ADAMTS3: variants seen among roughly 807,000 people sequenced by gnomAD.
ADAMTS3 encodes the protein ADAM metallopeptidase with thrombospondin type 1 motif 3, also known as A disintegrin and metalloproteinase with thrombospondin motifs 3.
ADAMTS3 carries 73 observed loss-of-function variants against 129.0 expected under a neutral mutation model. The observed-to-expected ratio is 0.57, with a 90% CI of 0.47 to 0.69. The LOEUF is 0.69. ADAMTS3 is among the 30% of genes least tolerant of loss of function. The pLI is 0.00. For synonymous variants in ADAMTS3, 477 were observed against 510.8 expected, an observed-to-expected ratio of 0.93 and a Z score of 0.89; for missense variants, 1,457 against 1,514.5, an observed-to-expected ratio of 0.96 and a Z score of 0.63.
At chr4:72,531,891 C>T (rs1203645859) in intron 3 of ADAMTS3, among the ~76,000 whole-genome samples, 2 of 152,040 alleles carry the variant, frequency 1.3e-5, no homozygotes, top group African/African-American at 4.8e-5. Context: ...GGGGAGATGG[C>T]ACTCATGTGT....
intron 10 of ADAMTS3, among the ~76,000 whole-genome samples, chr4:72,317,560 C>T (rs1187724809): frequency 6.6e-6 from 1 of 151,368 alleles, no homozygotes; most frequent in Non-Finnish European, 1.5e-5. Context: ...GCAAGACTGG[C>T]TTTAATGGAT....
intron 3 of ADAMTS3, among the ~76,000 whole-genome samples, chr4:72,433,655 A>G (rs976388978): frequency 2.4e-4 from 36 of 152,044 alleles, no homozygotes; most frequent in African/African-American, 7.5e-4. Flanking sequence ...GTATGGTTCT[A>G]TAACAAATAC....
At chr4:72,397,071 A>C (rs1578643548) in intron 4 of ADAMTS3, among the ~76,000 whole-genome samples, 1 of 151,542 alleles carries the variant, frequency 6.6e-6, no homozygotes, top group Non-Finnish European at 1.5e-5. Context: ...AGGGAAAAAC[A>C]CTCCAAGCTC....
chr4:72,476,442 C>T (rs1186133583), intron 3 of ADAMTS3, among the ~76,000 whole-genome samples: 1 of 152,022 alleles, frequency 6.6e-6, no homozygotes, highest in African/African-American at 2.4e-5. Flanking sequence ...TTTAAACATC[C>T]TTGTAACCAA....
chr4:72,365,370 ACAT>A (rs780607410), intron 4 of ADAMTS3, among the ~76,000 whole-genome samples: 48 of 152,206 alleles, frequency 3.2e-4, no homozygotes, highest in Admixed American at 3.9e-4. Context: ...GCACACTTCC[ACAT>A]CATGACACCC....
chr4:72,540,395 T>C (rs149501212), intron 3 of ADAMTS3, among the ~76,000 whole-genome samples: 1,564 of 152,306 alleles, frequency 0.01, 16 homozygotes, highest in South Asian at 0.032. Flanking sequence ...TTCAGTTTTA[T>C]AAGGTAAGCA....
At chr4:72,391,670 C>T (rs569612497) in intron 4 of ADAMTS3, among the ~76,000 whole-genome samples, 9 of 152,162 alleles carry the variant, frequency 5.9e-5, no homozygotes, top group African/African-American at 9.6e-5. Context: ...ATGGCAACTA[C>T]GCATCATTTA....
At chr4:72,312,618 A>C in intron 12 of ADAMTS3, 152 bp from the exon 13 acceptor site, 1 of 644,526 alleles carries the variant, frequency 1.6e-6, no homozygotes, top group East Asian at 2.8e-5. Context: ...TCCCTTTCCA[A>C]AGCACCCTTC....
intron 3 of ADAMTS3, among the ~76,000 whole-genome samples, chr4:72,520,993 C>T (rs955141831): frequency 6.6e-6 from 1 of 151,748 alleles, no homozygotes; most frequent in East Asian, 1.9e-4. Context: ...GGCTCCTCCC[C>T]ACTTTTTTTC....
At chr4:72,303,629 G>A (rs1022710629) in intron 17 of ADAMTS3, among the ~76,000 whole-genome samples, 1 of 151,854 alleles carries the variant, frequency 6.6e-6, no homozygotes, top group African/African-American at 2.4e-5. Flanking sequence ...TGGTAAATAT[G>A]TGGGTAAATA....
At chr4:72,495,352 T>A (rs1158019679) in intron 3 of ADAMTS3, among the ~76,000 whole-genome samples, 5 of 152,032 alleles carry the variant, frequency 3.3e-5, no homozygotes, top group African/African-American at 1.2e-4. Context: ...CAGCAGCAAA[T>A]CAGCAGGATG....
At chr4:72,323,202 G>C in intron 5 of ADAMTS3, 105 bp from the exon 6 acceptor site, 1 of 836,732 alleles carries the variant, frequency 1.2e-6, no homozygotes, top group Non-Finnish European at 2.0e-6. Context: ...GTAAATTGCT[G>C]TTTTTAAATT....
At chr4:72,452,719 G>A (rs950044614) in intron 3 of ADAMTS3, among the ~76,000 whole-genome samples, 26 of 151,724 alleles carry the variant, frequency 1.7e-4, no homozygotes, top group African/African-American at 4.3e-4. Flanking sequence ...TGGCTGGTCT[G>A]AACCACACAG....
chr4:72,309,343 A>T, intron 15 of ADAMTS3, 54 bp downstream of exon 15: 1 of 1,584,828 alleles, frequency 6.3e-7, no homozygotes, highest in Non-Finnish European at 8.6e-7. Context: ...AAGAAGCCTC[A>T]AAAAGTACAA....
chr4:72,547,137 T>C (rs372527949), intron 3 of ADAMTS3, among the ~76,000 whole-genome samples: 18 of 152,156 alleles, frequency 1.2e-4, no homozygotes, highest in Non-Finnish European at 1.6e-4. Flanking sequence ...AGCATTTTTC[T>C]AGATTGGATG....
rs1255985996 is a variant in ADAMTS3 at position 72,312,572 on chromosome 4, G to C, written c.1746-106C>G. On this transcript the variant is annotated intron_variant, in intron 12 of 21. Transcript: ENST00000286657. ...CAAAGCCAAAGTTTCTGGGCTGCCA[G>C]CACAAAGTGAATGAACTCATACTTC... 4 of 1,060,096 alleles carry C rather than the reference G, an allele frequency of 3.8e-6. No individual in the cohort carries two copies. In the Admixed American group the frequency reaches 7.5e-5, roughly 20 times the overall value. 65.7% of individuals were successfully genotyped at this position (1,060,096 alleles called of 1,614,324 possible). A position where few individuals can be genotyped will look rare whatever the true frequency, so the allele number is the denominator to read the frequency against.
chr4:72,500,856 T>G (rs1310344656), intron 3 of ADAMTS3, among the ~76,000 whole-genome samples: 1 of 152,106 alleles, frequency 6.6e-6, no homozygotes, highest in Non-Finnish European at 1.5e-5. Flanking sequence ...CCAGCACCAT[T>G]TATTAAATAG....
intron 3 of ADAMTS3, among the ~76,000 whole-genome samples, chr4:72,541,131 G>A (rs1331487823): frequency 6.6e-6 from 1 of 152,188 alleles, no homozygotes; most frequent in Non-Finnish European, 1.5e-5. Flanking sequence ...CAGAGCCACA[G>A]GGGATGGAGC....
chr4:72,346,147 A>G (rs1228956486), intron 4 of ADAMTS3, among the ~76,000 whole-genome samples: 1 of 152,172 alleles, frequency 6.6e-6, no homozygotes, highest in Admixed American at 6.6e-5. Flanking sequence ...CATCAAAGCC[A>G]TGTCCAACAG....
Sources: allele counts gnomAD v4.1 joint callset (sites outside exome capture counted in the v4.1 genomes callset), GRCh38; gene constraint gnomAD v4.1.1; transcripts MANE v1.5; gene names NCBI Gene and HGNC (gene_info 2026-07-23, HGNC 2026-07-21).